The following BOK variants were observed in gnomAD, a reference collection of about 807,000 sequenced individuals.
The protein encoded by BOK is bcl-2-related ovarian killer protein.
Under a neutral mutation model 18.3 loss-of-function variants are expected in BOK, and 20 were observed. The observed-to-expected ratio is 1.09, with a 90% CI of 0.77 to 1.59. The LOEUF (loss-of-function observed/expected upper bound fraction) is 1.59. Among genes scored for constraint, BOK ranks in the 40% most tolerant of loss-of-function variants. The probability of loss-of-function intolerance (pLI) is 0.00; values close to 1 mark genes in which losing one functional copy is unlikely to be tolerated. For missense variants in BOK, 348 were observed against 307.9 expected, an observed-to-expected ratio of 1.13 and a Z score of -0.97; for synonymous variants, 173 against 142.4, an observed-to-expected ratio of 1.21 and a Z score of -1.53.
chr2:241,559,316 A>T (rs2125044148), intron 1 of BOK, 139 bp from the exon 2 acceptor site: 1 of 430,976 alleles, frequency 2.3e-6, no homozygotes, highest in Non-Finnish European at 3.8e-6. Flanking sequence ...CTGGGTTTTT[A>T]AAGATTTGGG....
chr2:241,559,187 G>A (rs1169099646), intron 1 of BOK, among the ~76,000 whole-genome samples, 194 bp downstream of exon 1: 3 of 151,576 alleles, frequency 2.0e-5, no homozygotes, highest in Admixed American at 6.6e-5. Context: ...CCACGCACTC[G>A]TCTTCGAGGG....
At chr2:241,551,725 A>G (rs1333269889) in intron 1 of BOK, among the ~76,000 whole-genome samples, 1 of 152,124 alleles carries the variant, frequency 6.6e-6, no homozygotes, top group South Asian at 2.1e-4. Context: ...GGGAGACCTC[A>G]GGGGGGTCCC....
At chr2:241,553,366 G>A (rs2125040689) in intron 1 of BOK, among the ~76,000 whole-genome samples, 1 of 152,234 alleles carries the variant, frequency 6.6e-6, no homozygotes, top group East Asian at 1.9e-4. Context: ...TGGCCAGGGT[G>A]GTCTCCAACT....
chr2:241,570,292 A>C lies in BOK; in HGVS notation c.513+4A>C, dbSNP rs1238873897. 2.6e-6 allele frequency: 4 copies of C among 1,550,626 alleles called. No homozygotes were observed. The highest frequency in any genetic ancestry group is 3.5e-6 in the Non-Finnish European group (4 of 1,148,598). On this transcript the variant is annotated splice_donor_region_variant and intron_variant, in intron 4 of 4. Transcript: ENST00000318407. ...GCTGCGGAGACGCGGCGGATGGGTG[A>C]GCGCCTGAGTGCCCGTGTGGGTGGG...
chr2:241,562,572 C>T lies in BOK; in HGVS notation c.349+96C>T. ...ACCCCACGAGCTGGCCCCCACCCAT[C>T]CTGGCGCTGCCCAGTGCCCACCGGT... is the stretch of plus-strand genomic sequence containing the variant. On this transcript the variant is annotated intron_variant, in intron 3 of 4. Coordinates refer to ENST00000318407, the MANE Select transcript of BOK (RefSeq NM_032515.5). The surrounding 1 kb of genome is among the most constrained non-coding windows in gnomAD (Gnocchi z 4.5). 1 of 1,444,520 alleles carries T rather than the reference C, an allele frequency of 6.9e-7. No homozygotes were observed. Among genetic ancestry groups the T allele is most frequent in the Admixed American group, 2.4e-5 (1 of 42,162 alleles). 89.5% of individuals were successfully genotyped at this position (1,444,520 alleles called of 1,614,324 possible). A position where few individuals can be genotyped will look rare whatever the true frequency, so the allele number is the denominator to read the frequency against.
At chr2:241,570,346 C>G in intron 4 of BOK, 58 bp downstream of exon 4, 1 of 1,486,134 alleles carries the variant, frequency 6.7e-7, no homozygotes, top group African/African-American at 1.5e-5. Context: ...TGCAGAGGTA[C>G]AGGAGGGAGT....
chr2:241,566,742 C>G lies in BOK; in HGVS notation c.350-3383C>G, dbSNP rs890567573. ...TCCTGCCACCTCAACCTGTGAAATACGCCAGACACAAAATGAACAAGCCGT... is the reference window on the plus strand; with the variant it reads ...TCCTGCCACCTCAACCTGTGAAATAGGCCAGACACAAAATGAACAAGCCGT... On this transcript the variant is annotated intron_variant, in intron 3 of 4. Transcript: ENST00000318407. Among the ~76,000 whole-genome samples the G allele has an allele frequency of 2.2e-5, 2 of 89,844 alleles. 1 individual carries two copies. The highest frequency in any genetic ancestry group is 2.2e-4 in the Admixed American group (2 of 9,114). The allele number at this position is 89,844 out of a possible 152,430, so 58.9% of individuals were successfully genotyped here. A position where few individuals can be genotyped will look rare whatever the true frequency, so the allele number is the denominator to read the frequency against.
intron 2 of BOK, among the ~76,000 whole-genome samples, chr2:241,560,797 C>T (rs2066516615): frequency 6.6e-6 from 1 of 152,108 alleles, no homozygotes; most frequent in Non-Finnish European, 1.5e-5. Flanking sequence ...CTTTTAGTGG[C>T]CTTCTGAAAA....
At chr2:241,559,144 G>T (rs2066483628) in intron 1 of BOK, among the ~76,000 whole-genome samples, 151 bp downstream of exon 1, 1 of 151,244 alleles carries the variant, frequency 6.6e-6, no homozygotes, top group African/African-American at 2.4e-5. Context: ...CGCCGTGGGG[G>T]ACGCGCTGGG....
rs1390752453 is a variant in BOK, at chr2:241,570,212, T to C, written c.437T>C (p.Val146Ala). ...GTGAGGCAGGCCCAGCCTGCCATGGTCCACGCCCTCGTGGACTGCCTGGGG... is the reference window on the plus strand; with the variant it reads ...GTGAGGCAGGCCCAGCCTGCCATGGCCCACGCCCTCGTGGACTGCCTGGGG... ...DCVRQAQPAM[V>A]HALVDCLGEF... The change falls in exon 4 of 5, where the codon GTC (valine) becomes GCC (alanine). Residue 146 changes from valine to alanine, a missense_variant. Coordinates refer to ENST00000318407, the MANE Select transcript of BOK (RefSeq NM_032515.5). The C allele has an allele frequency of 1.9e-6, 3 of 1,604,684 alleles. No homozygotes were observed. The highest frequency in any genetic ancestry group is 2.5e-6 in the Non-Finnish European group (3 of 1,177,250).
At chr2:241,571,226 A>G (rs2066713546) in intron 4 of BOK, among the ~76,000 whole-genome samples, 1 of 148,942 alleles carries the variant, frequency 6.7e-6, no homozygotes, top group South Asian at 2.1e-4. Context: ...CCGAGTGGGA[A>G]AAGCAAGGCC....
chr2:241,568,958 G>A (rs965964825), intron 3 of BOK, among the ~76,000 whole-genome samples: 7 of 151,000 alleles, frequency 4.6e-5, no homozygotes, highest in African/African-American at 1.7e-4. Context: ...CTCCCTCCAG[G>A]GACCACTGCT....
At position 241,562,641 on chromosome 2, in the gene BOK, C is replaced by T. The variant is rs1010767395; in HGVS notation, c.349+165C>T. ...GTGTCAGGAGCTGCCCAGCCACCAGCGTGGGCTCAAACCACAGCATTCAGG... is the reference window on the plus strand; with the variant it reads ...GTGTCAGGAGCTGCCCAGCCACCAGTGTGGGCTCAAACCACAGCATTCAGG... On this transcript the variant is annotated intron_variant, in intron 3 of 4. Coordinates refer to ENST00000318407, the MANE Select transcript of BOK (RefSeq NM_032515.5). This position sits in a 1 kb window ranked among gnomAD's most constrained non-coding sequence, Gnocchi z 4.5. 2.0e-5 allele frequency among the ~76,000 whole-genome samples: 3 copies of T among 152,214 alleles called. No individual in the cohort carries two copies. The highest frequency in any genetic ancestry group is 7.2e-5 in the African/African-American group (3 of 41,462).
intron 3 of BOK, among the ~76,000 whole-genome samples, chr2:241,567,069 C>T (rs1465116723): frequency 1.5e-5 from 2 of 133,586 alleles, no homozygotes; most frequent in Admixed American, 7.5e-5. Flanking sequence ...CCTCCGGACT[C>T]CTGTCTTCCT....
chr2:241,552,101 G>A (rs1179115807), intron 1 of BOK, among the ~76,000 whole-genome samples: 1 of 152,214 alleles, frequency 6.6e-6, no homozygotes, highest in African/African-American at 2.4e-5. Context: ...GGCGCGGCTG[G>A]GACGGGGTGG....
chr2:241,560,901 G>A (rs1308036584), intron 2 of BOK, among the ~76,000 whole-genome samples: 1 of 152,162 alleles, frequency 6.6e-6, no homozygotes, highest in Non-Finnish European at 1.5e-5. Flanking sequence ...CTGCCCTCAC[G>A]GCTGCTCAGG....
chr2:241,555,770 G>A (rs1437961568), upstream of BOK, among the ~76,000 whole-genome samples: 1 of 152,170 alleles, frequency 6.6e-6, no homozygotes, highest in Non-Finnish European at 1.5e-5. Flanking sequence ...CTCCTGGGAT[G>A]CAGAACATGT....
At position 241,572,797 on chromosome 2, in the gene BOK, C is replaced by T. The variant is rs1264268337; in HGVS notation, c.*375C>T. ...GTGAAGGGGCCCGGGAACACCTGCT[C>T]TCACCTGAGCCCCAGGTGAAGGGGC... On this transcript the variant is annotated 3_prime_UTR_variant, in exon 5 of 5. Transcript: ENST00000318407. The T allele has an allele frequency of 8.6e-6, 2 of 231,330 alleles. No individual in the cohort carries two copies. Among genetic ancestry groups the T allele is most frequent in the East Asian group, 1.9e-4 (2 of 10,420 alleles). 14.3% of individuals were successfully genotyped at this position (231,330 alleles called of 1,614,324 possible).
At position 241,570,291 on chromosome 2, in the gene BOK, G is replaced by A. The variant is rs1453827608; in HGVS notation, c.513+3G>A. 1.3e-6 allele frequency: 2 copies of A among 1,551,188 alleles called. No homozygotes were observed. The highest frequency in any genetic ancestry group is 1.7e-6 in the Non-Finnish European group (2 of 1,148,688). ...GGCTGCGGAGACGCGGCGGATGGGTGAGCGCCTGAGTGCCCGTGTGGGTGG... is the reference window on the plus strand; with the variant it reads ...GGCTGCGGAGACGCGGCGGATGGGTAAGCGCCTGAGTGCCCGTGTGGGTGG... On this transcript the variant is annotated splice_donor_region_variant and intron_variant, in intron 4 of 4. Coordinates refer to ENST00000318407, the MANE Select transcript of BOK (RefSeq NM_032515.5).
Sources: gnomAD v4.1 joint callset for allele counts (sites outside exome capture counted in the v4.1 genomes callset) on GRCh38, gnomAD v4.1.1 for gene constraint, Gnocchi (gnomAD v3.1) non-coding constraint, MANE v1.5 for transcripts, NCBI Gene and HGNC (gene_info 2026-07-23, HGNC 2026-07-21) for gene names.